NBAS: variants seen among roughly 807,000 people sequenced by gnomAD.
The protein encoded by NBAS is NBAS subunit of NRZ tethering complex.
In NBAS, 219 loss-of-function variants were observed where a neutral mutation model predicts 302.5. The observed-to-expected ratio is 0.72, with a 90% confidence interval of 0.65 to 0.81. The LOEUF is 0.81. Among genes scored for constraint, NBAS ranks in the 30% least tolerant of loss-of-function variants. The pLI, the probability that NBAS is intolerant of heterozygous loss-of-function variation, is 0.00. For synonymous variants in NBAS, 1,118 were observed against 1,021.6 expected (o/e 1.09, Z -1.80); for missense variants, 2,932 against 2,841.6 (o/e 1.03, Z -0.72).
At chr2:15,125,101 C>T in the NBAS span, among the ~76,000 whole-genome samples, 1 of 152,236 alleles carries the variant, frequency 6.6e-6, no homozygotes, top group Non-Finnish European at 1.5e-5. Flanking sequence ...CCTGTTAGAG[C>T]AGCTACATGG....
chr2:14,963,173 CAGG>C, the NBAS span, among the ~76,000 whole-genome samples: 3 of 152,146 alleles, frequency 2.0e-5, no homozygotes, highest in East Asian at 3.9e-4. Flanking sequence ...GAGGCTGAGG[CAGG>C]AGAACTACTT....
intron 10 of NBAS, among the ~76,000 whole-genome samples, chr2:15,504,839 G>A (rs774327284): frequency 7.2e-5 from 11 of 151,914 alleles, no homozygotes; most frequent in South Asian, 2.1e-4. Flanking sequence ...ACTAACATAC[G>A]ACCCAGCAAT....
At chr2:15,188,823 T>C (rs1038156012) in intron 49 of NBAS, among the ~76,000 whole-genome samples, 3 of 152,206 alleles carry the variant, frequency 2.0e-5, no homozygotes, top group African/African-American at 7.2e-5. Context: ...CTCTTAGAGG[T>C]GTCATATTTT....
At chr2:15,218,511 T>C (rs1309163671) in intron 48 of NBAS, among the ~76,000 whole-genome samples, 2 of 152,118 alleles carry the variant, frequency 1.3e-5, no homozygotes, top group Non-Finnish European at 2.9e-5. Flanking sequence ...GCAATCTCCA[T>C]CTCCCAGGTT....
At chr2:14,850,793 C>A in the NBAS span, among the ~76,000 whole-genome samples, 1 of 62,158 alleles carries the variant, frequency 1.6e-5, no homozygotes, top group Non-Finnish European at 2.7e-5. Context: ...AGCCGCTCAA[C>A]TACATGCAAA....
intron 48 of NBAS, among the ~76,000 whole-genome samples, chr2:15,194,016 A>C (rs951216219): frequency 1.3e-5 from 2 of 152,222 alleles, no homozygotes; most frequent in East Asian, 3.9e-4. Context: ...AAAAATCAAA[A>C]TAAAAGAAGC....
intron 44 of NBAS, among the ~76,000 whole-genome samples, chr2:15,263,972 A>G (rs1223938834): frequency 1.3e-5 from 2 of 152,230 alleles, no homozygotes; most frequent in Non-Finnish European, 2.9e-5. Flanking sequence ...AAGTTTCTTC[A>G]CTGCACAGGC....
the NBAS span, among the ~76,000 whole-genome samples, chr2:14,912,296 C>T: frequency 2.0e-5 from 3 of 152,098 alleles, no homozygotes; most frequent in African/African-American, 7.2e-5. Flanking sequence ...GTATTTTTTT[C>T]ACTATTTATC....
At chr2:15,308,871 G>C (rs908541864) in intron 39 of NBAS, among the ~76,000 whole-genome samples, 31 of 152,080 alleles carry the variant, frequency 2.0e-4, no homozygotes, top group Admixed American at 5.2e-4. Context: ...TAGCATGAAG[G>C]GTTGTTGAAT....
intron 25 of NBAS, among the ~76,000 whole-genome samples, chr2:15,413,080 C>T (rs1676758876): frequency 6.6e-6 from 1 of 152,244 alleles, no homozygotes; most frequent in Non-Finnish European, 1.5e-5. Context: ...CCTCCTCTTT[C>T]CCCAATAAAC....
intron 38 of NBAS, among the ~76,000 whole-genome samples, chr2:15,320,750 G>T (rs1022263358): frequency 7.3e-6 from 1 of 137,518 alleles, no homozygotes; most frequent in Admixed American, 7.2e-5. Flanking sequence ...AATAAAAGAG[G>T]ATACAAATGG....
Position 15,231,483 on chromosome 2 carries a change from G to A in NBAS, c.6236+939C>T, listed in dbSNP as rs544830462. On this transcript the variant is annotated intron_variant, in intron 47 of 51. Transcript: ENST00000281513. ...TCTATTTCCCAGCTGTATGACTCTG[G>A]GCAAGTCAACTCCTCTCTCTGAGCT... 1.9e-3 allele frequency among the ~76,000 whole-genome samples: 286 copies of A among 152,142 alleles called. 1 individual carries two copies. The highest frequency in any genetic ancestry group is 6.5e-3 in the African/African-American group (269 of 41,518).
At chr2:14,975,337 T>C in the NBAS span, among the ~76,000 whole-genome samples, 1 of 152,226 alleles carries the variant, frequency 6.6e-6, no homozygotes, top group African/African-American at 2.4e-5. Flanking sequence ...CCTCCATTAA[T>C]ATGAAGTCAC....
the NBAS span, among the ~76,000 whole-genome samples, chr2:14,828,100 T>C: frequency 1.3e-5 from 2 of 152,216 alleles, no homozygotes; most frequent in African/African-American, 4.8e-5. Flanking sequence ...TGATTGTATA[T>C]GGTCAGAAAT....
At chr2:14,845,256 C>A in the NBAS span, among the ~76,000 whole-genome samples, 1 of 152,216 alleles carries the variant, frequency 6.6e-6, no homozygotes, top group Non-Finnish European at 1.5e-5. Context: ...GAACAAGAGT[C>A]TCTGCCTGGT....
chr2:15,190,133 C>A, intron 49 of NBAS, 131 bp downstream of exon 49: 1 of 1,056,062 alleles, frequency 9.5e-7, no homozygotes, highest in Non-Finnish European at 1.4e-6. Context: ...TTAAATTCCT[C>A]TAAAGGCAAA....
At chr2:15,545,144 T>C (rs1017710277) in intron 6 of NBAS, among the ~76,000 whole-genome samples, 1 of 152,174 alleles carries the variant, frequency 6.6e-6, no homozygotes, top group Non-Finnish European at 1.5e-5. Context: ...GTTAAAATCA[T>C]GTTGTTTATG....
chr2:15,264,897 C>A (rs1669008937), intron 44 of NBAS, among the ~76,000 whole-genome samples: 1 of 152,136 alleles, frequency 6.6e-6, no homozygotes, highest in Non-Finnish European at 1.5e-5. Context: ...GCCTGAGTGC[C>A]TAGGACAGAC....
the NBAS span, among the ~76,000 whole-genome samples, chr2:14,973,575 T>G: frequency 1.3e-5 from 2 of 152,168 alleles, no homozygotes; most frequent in African/African-American, 2.4e-5. Flanking sequence ...CAAGCTTCAT[T>G]GACACACACA....
Sources: allele counts gnomAD v4.1 joint callset (sites outside exome capture counted in the v4.1 genomes callset), GRCh38; gene constraint gnomAD v4.1.1; transcripts MANE v1.5; gene names NCBI Gene and HGNC (gene_info 2026-07-23, HGNC 2026-07-21).